The following JMJD1C variants were observed in gnomAD, a reference collection of about 807,000 sequenced individuals.
JMJD1C encodes the protein jumonji domain containing 1C.
JMJD1C carries 31 observed loss-of-function variants against 245.3 expected under a neutral mutation model. That is an observed-to-expected ratio of 0.13 (90% CI 0.09 to 0.17). JMJD1C has a LOEUF of 0.17. Among genes scored for constraint, JMJD1C ranks in the 10% least tolerant of loss-of-function variants. JMJD1C has a pLI of 1.00. For synonymous variants in JMJD1C, 1,057 were observed against 1,017.4 expected (o/e 1.04, Z -0.74); for missense variants, 2,691 against 3,000.2 (o/e 0.90, Z 2.41).
intron 2 of JMJD1C, among the ~76,000 whole-genome samples, chr10:63,317,783 C>T (rs1241280810): frequency 6.6e-6 from 1 of 152,144 alleles, no homozygotes; most frequent in Non-Finnish European, 1.5e-5. Flanking sequence ...GCCCCCCATC[C>T]CATCTATTCT....
intron 2 of JMJD1C, among the ~76,000 whole-genome samples, chr10:63,376,101 G>T (rs1946718310): frequency 6.6e-6 from 1 of 152,062 alleles, no homozygotes; most frequent in Non-Finnish European, 1.5e-5. Flanking sequence ...ACAGACCAAT[G>T]GAATGGAATA....
chr10:63,351,001 T>C (rs887006742), intron 2 of JMJD1C, among the ~76,000 whole-genome samples: 1 of 152,052 alleles, frequency 6.6e-6, no homozygotes, highest in South Asian at 2.1e-4. Context: ...ATATTTAATA[T>C]ACATCTATAT....
chr10:63,186,893 G>GA (rs967938073), intron 18 of JMJD1C, among the ~76,000 whole-genome samples: 2 of 152,164 alleles, frequency 1.3e-5, no homozygotes, highest in Non-Finnish European at 1.5e-5. Context: ...AAAAGTTTCT[G>GA]AAAAATGATA....
intron 1 of JMJD1C, among the ~76,000 whole-genome samples, chr10:63,387,230 T>C (rs373837461): frequency 2.0e-5 from 3 of 152,128 alleles, no homozygotes; most frequent in East Asian, 1.9e-4. Flanking sequence ...ACCTGATGCA[T>C]AGATATCAAT....
Position 63,289,414 on chromosome 10 carries a change from G to A in JMJD1C, c.334-24650C>T, listed in dbSNP as rs1438256862. 2.6e-5 allele frequency among the ~76,000 whole-genome samples: 4 copies of A among 152,120 alleles called. No individual in the cohort carries two copies. The East Asian group carries it at 7.7e-4, about 29-fold the overall frequency. ...AAACTACTTGTGATCTGAAATGAATGAAATAAAAAAATGTAAATTTGTGGA... is the reference window on the plus strand; with the variant it reads ...AAACTACTTGTGATCTGAAATGAATAAAATAAAAAAATGTAAATTTGTGGA... On this transcript the variant is annotated intron_variant, in intron 2 of 25. Coordinates refer to ENST00000399262, the MANE Select transcript of JMJD1C (RefSeq NM_032776.3).
chr10:63,453,397 T>A (rs1381345760), intron 1 of JMJD1C, among the ~76,000 whole-genome samples: 1 of 152,220 alleles, frequency 6.6e-6, no homozygotes, highest in Non-Finnish European at 1.5e-5. Context: ...TTTGCTTACC[T>A]ATTAAGATTC....
chr10:63,328,279 G>GA (rs770526872), intron 2 of JMJD1C, among the ~76,000 whole-genome samples: 2,881 of 125,498 alleles, frequency 0.023, 59 homozygotes, highest in African/African-American at 0.07. Flanking sequence ...CCATCTCAAA[G>GA]AAAAAAAAAA....
chr10:63,382,704 C>A (rs1947308576), intron 1 of JMJD1C: 1 of 447,580 alleles, frequency 2.2e-6, no homozygotes, highest in African/African-American at 2.0e-5. Context: ...TCATTCAACC[C>A]TTCGCTCCCC....
At chr10:63,342,727 A>G (rs1047093236) in intron 2 of JMJD1C, among the ~76,000 whole-genome samples, 1 of 152,206 alleles carries the variant, frequency 6.6e-6, no homozygotes, top group Non-Finnish European at 1.5e-5. Flanking sequence ...GTGAATAAAT[A>G]TAAGAAAATG....
At chr10:63,382,956 T>C in intron 1 of JMJD1C, 4 of 412,778 alleles carry the variant, frequency 9.7e-6, no homozygotes, top group South Asian at 3.5e-5. Flanking sequence ...TGTATTAGTA[T>C]ATAAGCAAAT....
chr10:63,247,719 C>CAAAAAAAAAA (rs71025135), intron 3 of JMJD1C, among the ~76,000 whole-genome samples: 5 of 105,470 alleles, frequency 4.7e-5, no homozygotes, highest in African/African-American at 1.1e-4. Flanking sequence ...GTGACAGAGC[C>CAAAAAAAAAA]AAAAAAAAAA....
At chr10:63,488,220 C>T (rs1356709794) in intron 1 of JMJD1C, among the ~76,000 whole-genome samples, 1 of 152,152 alleles carries the variant, frequency 6.6e-6, no homozygotes, top group Non-Finnish European at 1.5e-5. Flanking sequence ...TATGCAAATA[C>T]CTCTACTTCA....
Position 63,202,244 on chromosome 10 carries a change from ACT to A in JMJD1C, c.5075-1569_5075-1568del, listed in dbSNP as rs1163354128. On this transcript the variant is annotated intron_variant, in intron 10 of 25. Coordinates refer to ENST00000399262, the MANE Select transcript of JMJD1C (RefSeq NM_032776.3). ...ATTCCAGCCTGGGTGACGGAGTAAGACTCTGTCTAAAAATATATATAAATAAA... is the reference window on the plus strand; with the variant it reads ...ATTCCAGCCTGGGTGACGGAGTAAGACTGTCTAAAAATATATATAAATAAA... 4.2e-6 allele frequency: 4 copies of A among 946,782 alleles called. No individual in the cohort carries two copies. In the East Asian group the frequency reaches 4.6e-4, roughly 110 times the overall value. The allele number at this position is 946,782 out of a possible 1,614,324, so 58.6% of individuals were successfully genotyped here.
At chr10:63,364,252 T>TC (rs1455488521) in intron 2 of JMJD1C, among the ~76,000 whole-genome samples, 1 of 151,848 alleles carries the variant, frequency 6.6e-6, no homozygotes, top group African/African-American at 2.4e-5. Context: ...CAAGCGGTTC[T>TC]CCCACCTTGG....
intron 18 of JMJD1C, among the ~76,000 whole-genome samples, chr10:63,187,131 A>G (rs1453067402): frequency 1.3e-5 from 2 of 152,122 alleles, no homozygotes; most frequent in East Asian, 1.9e-4. Flanking sequence ...TTTTTTTTTT[A>G]ATTACAAAAG....
chr10:63,441,989 T>A (rs1453002271), intron 1 of JMJD1C, among the ~76,000 whole-genome samples: 3 of 152,234 alleles, frequency 2.0e-5, no homozygotes, highest in Non-Finnish European at 4.4e-5. Flanking sequence ...TAGCACCTGT[T>A]ATTTGTAAAG....
intron 2 of JMJD1C, among the ~76,000 whole-genome samples, chr10:63,283,302 T>C (rs1163332817): frequency 2.0e-5 from 3 of 152,096 alleles, no homozygotes; most frequent in African/African-American, 4.8e-5. Flanking sequence ...TTGGTAACAA[T>C]TGCCTTTTCT....
At chr10:63,280,103 G>A (rs767044417) in intron 2 of JMJD1C, among the ~76,000 whole-genome samples, 12 of 151,816 alleles carry the variant, frequency 7.9e-5, no homozygotes, top group Non-Finnish European at 1.6e-4. Context: ...GTGAGCCGAG[G>A]TCATGCCACT....
At chr10:63,216,572 TG>T in intron 5 of JMJD1C, among the ~76,000 whole-genome samples, 1 of 151,680 alleles carries the variant, frequency 6.6e-6, no homozygotes, top group Admixed American at 6.6e-5. Flanking sequence ...TAGCCGGGCG[TG>T]GTGGCGGGCG....
Sources: gnomAD v4.1 joint callset for allele counts (sites outside exome capture counted in the v4.1 genomes callset) on GRCh38, gnomAD v4.1.1 for gene constraint, MANE v1.5 for transcripts, NCBI Gene and HGNC (gene_info 2026-07-23, HGNC 2026-07-21) for gene names.